PPP2R3A: variants seen among roughly 807,000 people sequenced by gnomAD.
PPP2R3A encodes protein phosphatase 2 regulatory subunit B''alpha.
A neutral mutation model predicts 106.9 loss-of-function variants in PPP2R3A; 80 were observed. The ratio of observed to expected loss-of-function variants is 0.75; its 90% confidence interval spans 0.62 to 0.90. PPP2R3A has a LOEUF of 0.90. Among genes scored for constraint, PPP2R3A ranks in the 40% least tolerant of loss-of-function variants. The pLI, the probability that PPP2R3A is intolerant of heterozygous loss-of-function variation, is 0.00. For synonymous variants in PPP2R3A, 483 were observed against 468.3 expected (o/e 1.03, Z -0.41); for missense variants, 1,386 against 1,350.4 (o/e 1.03, Z -0.41).
chr3:136,044,249 A>G (rs1030193904), intron 4 of PPP2R3A, among the ~76,000 whole-genome samples: 1 of 152,216 alleles, frequency 6.6e-6, no homozygotes, highest in Non-Finnish European at 1.5e-5. Context: ...TATAGCTCTA[A>G]TAAGCACAAA....
At chr3:136,118,285 A>G (rs1160147874) in intron 13 of PPP2R3A, among the ~76,000 whole-genome samples, 1 of 152,248 alleles carries the variant, frequency 6.6e-6, no homozygotes, top group East Asian at 1.9e-4. Context: ...CTGAATGGGC[A>G]AAAACTGGAA....
intron 13 of PPP2R3A, among the ~76,000 whole-genome samples, chr3:136,136,064 A>AT (rs1938603436): frequency 8.5e-5 from 8 of 94,376 alleles, no homozygotes; most frequent in African/African-American, 2.9e-4. Flanking sequence ...AAAAAAAAAA[A>AT]AAAAAAAAAT....
intron 1 of PPP2R3A, among the ~76,000 whole-genome samples, chr3:135,969,798 G>A (rs1937192332): frequency 6.6e-6 from 1 of 152,108 alleles, no homozygotes; most frequent in South Asian, 2.1e-4. Context: ...CCAGATTTGG[G>A]GTTTCTCTTT....
intron 2 of PPP2R3A, among the ~76,000 whole-genome samples, chr3:136,006,973 T>C (rs913241687): frequency 2.6e-5 from 4 of 152,128 alleles, no homozygotes; most frequent in African/African-American, 9.7e-5. Context: ...GGATAGAGAG[T>C]AAGAAGCCTA....
At chr3:136,024,849 T>C (rs1322845046) in intron 2 of PPP2R3A, among the ~76,000 whole-genome samples, 1 of 152,170 alleles carries the variant, frequency 6.6e-6, no homozygotes, top group Non-Finnish European at 1.5e-5. Context: ...TTCTGTGCCT[T>C]ACTTTAGAAT....
At chr3:136,058,863 C>G (rs1935973980) in intron 5 of PPP2R3A, among the ~76,000 whole-genome samples, 1 of 152,140 alleles carries the variant, frequency 6.6e-6, no homozygotes, top group Non-Finnish European at 1.5e-5. Flanking sequence ...ACTGTCTGAT[C>G]TTTGACAAAC....
At chr3:136,075,868 T>C (rs1936579925) in intron 6 of PPP2R3A, among the ~76,000 whole-genome samples, 1 of 152,216 alleles carries the variant, frequency 6.6e-6, no homozygotes, top group Non-Finnish European at 1.5e-5. Context: ...GACATGGAAT[T>C]ATGATAAATC....
chr3:136,020,251 ATATG>A (rs1487356403), intron 2 of PPP2R3A, among the ~76,000 whole-genome samples: 3 of 152,100 alleles, frequency 2.0e-5, no homozygotes, highest in Non-Finnish European at 4.4e-5. Context: ...ATCATAAACT[ATATG>A]TGTGTGTACT....
intron 1 of PPP2R3A, among the ~76,000 whole-genome samples, chr3:135,966,267 A>G (rs1937081317): frequency 6.6e-6 from 1 of 152,200 alleles, no homozygotes; most frequent in Non-Finnish European, 1.5e-5. Flanking sequence ...GTTTTGGAAG[A>G]ACTGAGAGTC....
chr3:136,002,217 C>G lies in PPP2R3A; in HGVS notation c.719C>G (p.Ser240Cys). 3 of 1,613,452 alleles carry G rather than the reference C, an allele frequency of 1.9e-6. No homozygotes were observed. Residue 240 changes from serine (S) to cysteine (C), a missense_variant, in exon 2 of 14, where the codon TCC becomes TGC. By Grantham distance (112) the Ser-to-Cys change is moderately radical. Transcript: ENST00000264977. ...KMCLDILLKC[S>C]EDLKKCTDII... ...TGCTTGGACATCTTATTGAAATGCT[C>G]CGAGGATTTAAAAAAATGCACAGAC...
At chr3:136,080,690 A>T (rs1171986744) in intron 7 of PPP2R3A, among the ~76,000 whole-genome samples, 1 of 152,212 alleles carries the variant, frequency 6.6e-6, no homozygotes, top group Non-Finnish European at 1.5e-5. Context: ...GTCTGTATTC[A>T]TCTAGTCTTA....
intron 5 of PPP2R3A, among the ~76,000 whole-genome samples, chr3:136,049,859 G>C (rs1935620316): frequency 6.6e-6 from 1 of 152,170 alleles, no homozygotes; most frequent in South Asian, 2.1e-4. Flanking sequence ...TTGGTTTCCT[G>C]ATTCTTCAAC....
intron 4 of PPP2R3A, among the ~76,000 whole-genome samples, chr3:136,047,698 G>A (rs1046997948): frequency 6.6e-6 from 1 of 152,076 alleles, no homozygotes; most frequent in Admixed American, 6.5e-5. Flanking sequence ...TCAGGAGATC[G>A]ATACCATCCT....
chr3:136,122,489 T>TGA (rs1283396577), intron 13 of PPP2R3A, among the ~76,000 whole-genome samples: 1 of 152,224 alleles, frequency 6.6e-6, no homozygotes, highest in Non-Finnish European at 1.5e-5. Context: ...TAAATATATA[T>TGA]GAGTTTTGCA....
chr3:135,994,649 G>A (rs1327508714), intron 1 of PPP2R3A, among the ~76,000 whole-genome samples: 1 of 152,092 alleles, frequency 6.6e-6, no homozygotes, highest in Non-Finnish European at 1.5e-5. Context: ...TGTCTCCTAG[G>A]TTTTTGAAGA....
rs1246326384 is a variant in PPP2R3A, at chr3:136,041,250, G to GTTTTTTTT, written c.2366+292_2366+299dup. Among the ~76,000 whole-genome samples the GTTTTTTTT allele has an allele frequency of 7.4e-4, 42 of 56,556 alleles. 9 individuals are homozygous for GTTTTTTTT. Among genetic ancestry groups the GTTTTTTTT allele is most frequent in the South Asian group, 1.3e-3 (2 of 1,594 alleles). The allele number at this position is 56,556 out of a possible 152,430, so 37.1% of individuals were successfully genotyped here. ...CTTGGTTTTTCTTGTTTTTTTTTTT[G>GTTTTTTTT]TTTTTTTTTTTGTTTTTTTTTTTTT... On this transcript the variant is annotated intron_variant, in intron 4 of 13. Transcript: ENST00000264977.
At chr3:135,995,168 G>T (rs1933335618) in intron 1 of PPP2R3A, among the ~76,000 whole-genome samples, 1 of 152,096 alleles carries the variant, frequency 6.6e-6, no homozygotes, top group Admixed American at 6.5e-5. Context: ...CAAAAGCCTG[G>T]GGGGGTGGGG....
intron 13 of PPP2R3A, among the ~76,000 whole-genome samples, chr3:136,135,598 C>G (rs1050673318): frequency 5.9e-5 from 9 of 152,134 alleles, no homozygotes; most frequent in Non-Finnish European, 1.2e-4. Flanking sequence ...GTCCACTCAC[C>G]AGCTGGGCAG....
intron 4 of PPP2R3A, among the ~76,000 whole-genome samples, chr3:136,044,612 G>A (rs2107853175): frequency 6.6e-6 from 1 of 150,558 alleles, no homozygotes; most frequent in East Asian, 2.0e-4. Flanking sequence ...ATGTTAAGAT[G>A]GCCAAGAAGA....
Sources: allele counts gnomAD v4.1 joint callset (sites outside exome capture counted in the v4.1 genomes callset), GRCh38; gene constraint gnomAD v4.1.1; transcripts MANE v1.5; gene names NCBI Gene and HGNC (gene_info 2026-07-23, HGNC 2026-07-21).